COL27A1: variants seen among roughly 807,000 people sequenced by gnomAD.
COL27A1 encodes collagen alpha-1(XXVII) chain.
A neutral mutation model predicts 251.3 loss-of-function variants in COL27A1; 106 were observed. The ratio of observed to expected loss-of-function variants is 0.42; its 90% confidence interval spans 0.36 to 0.50. COL27A1 has a LOEUF of 0.50. Ranked by LOEUF, COL27A1 falls within the 20% of genes least tolerant of loss-of-function variation. The probability of loss-of-function intolerance (pLI) is 0.00; values close to 1 mark genes in which losing one functional copy is unlikely to be tolerated. For synonymous variants in COL27A1, 1,000 were observed against 986.3 expected (o/e 1.01, Z -0.26); for missense variants, 2,325 against 2,522.8 (o/e 0.92, Z 1.68).
chr9:114,221,926 G>A (rs143255944), intron 13 of COL27A1, among the ~76,000 whole-genome samples: 280 of 152,372 alleles, frequency 1.8e-3, no homozygotes, highest in African/African-American at 6.3e-3. Context: ...CACCATGCAC[G>A]TCTGTATGAC....
At chr9:114,252,512 G>C in intron 25 of COL27A1, 81 bp from the exon 26 acceptor site, 1 of 1,193,814 alleles carries the variant, frequency 8.4e-7, no homozygotes, top group Non-Finnish European at 1.3e-6. Context: ...TGAGCCTCTG[G>C]ATGGCCCTCT....
chr9:114,308,376 G>T (rs12001006), intron 59 of COL27A1, among the ~76,000 whole-genome samples: 9,534 of 152,310 alleles, frequency 0.063, 435 homozygotes, highest in East Asian at 0.24. Context: ...TGCTCCGACT[G>T]CGGGGGAAAG....
At chr9:114,216,600 G>T (rs1470693921) in intron 12 of COL27A1, among the ~76,000 whole-genome samples, 1 of 152,208 alleles carries the variant, frequency 6.6e-6, no homozygotes, top group Admixed American at 6.5e-5. Flanking sequence ...GTGTAATGAG[G>T]TGGTGAACAT....
intron 7 of COL27A1, among the ~76,000 whole-genome samples, chr9:114,204,678 T>C (rs912039076): frequency 6.6e-6 from 1 of 152,164 alleles, no homozygotes; most frequent in African/African-American, 2.4e-5. Flanking sequence ...GCATCCCGTG[T>C]GACGTGGTGG....
At chr9:114,291,936 A>G (rs964162295) in intron 48 of COL27A1, among the ~76,000 whole-genome samples, 167 bp from the exon 49 acceptor site, 1 of 151,860 alleles carries the variant, frequency 6.6e-6, no homozygotes, top group South Asian at 2.1e-4. Context: ...GGGAGGTGAA[A>G]GTCTTGTCAC....
intron 12 of COL27A1, among the ~76,000 whole-genome samples, chr9:114,214,944 G>T (rs142734661): frequency 6.6e-6 from 1 of 152,228 alleles, no homozygotes; most frequent in Non-Finnish European, 1.5e-5. Context: ...GGGTCTCTAC[G>T]AGCAGGCTAG....
At chr9:114,232,150 G>C (rs997490099) in intron 16 of COL27A1, among the ~76,000 whole-genome samples, 1 of 152,216 alleles carries the variant, frequency 6.6e-6, no homozygotes, top group Admixed American at 6.5e-5. Flanking sequence ...CCAGAGAGCA[G>C]AGCTGAGGCC....
rs199557870 is a variant in COL27A1, at chr9:114,169,209, C to A, written c.1654C>A (p.Arg552=). The change falls in exon 3 of 61, where the codon CGG becomes AGG. Residue 552 remains arginine, a synonymous_variant. Coordinates refer to ENST00000356083, the MANE Select transcript of COL27A1 (RefSeq NM_032888.4). ...GAAAGCCGGACCCAAGAGCAGCCCC[C>A]GGAAGCCTGTCCCCCTCAGACCTGG... The part of the protein sequence containing the change: ...SKKAGPKSSP[R]KPVPLRPGKA... The A allele has an allele frequency of 2.4e-4, 392 of 1,614,108 alleles. 1 individual carries two copies. The East Asian group carries it at 4.9e-3, about 20-fold the overall frequency.
rs184238393 is a variant in COL27A1, at chr9:114,307,564, C to T, written c.5108-105C>T. 5,279 of 791,214 alleles carry T rather than the reference C, an allele frequency of 6.7e-3. 31 individuals are homozygous for T. Among genetic ancestry groups the T allele is most frequent in the South Asian group, 0.011 (728 of 67,644 alleles). The allele number at this position is 791,214 out of a possible 1,614,324, so 49.0% of individuals were successfully genotyped here. Reference sequence around the variant, plus strand: ...TGCTCACCCACCCTGACTTCATGCTCACCTGGGGCTCGGCAGGTCACAAGA... The same window carrying T: ...TGCTCACCCACCCTGACTTCATGCTTACCTGGGGCTCGGCAGGTCACAAGA... On this transcript the variant is annotated intron_variant, in intron 58 of 60. Coordinates refer to ENST00000356083, the MANE Select transcript of COL27A1 (RefSeq NM_032888.4).
intron 21 of COL27A1, 30 bp downstream of exon 21, chr9:114,240,517 A>G (rs1564511816): frequency 6.3e-7 from 1 of 1,596,550 alleles, no homozygotes; most frequent in Admixed American, 1.7e-5. Flanking sequence ...TCCACTGCCC[A>G]TCCTGGCCTG....
chr9:114,187,328 G>A (rs1435324528), intron 5 of COL27A1, among the ~76,000 whole-genome samples: 1 of 152,252 alleles, frequency 6.6e-6, no homozygotes, highest in Non-Finnish European at 1.5e-5. Context: ...ATATGGAGAA[G>A]TCCAGAAGAT....
At chr9:114,275,164 T>G (rs767202193) in intron 36 of COL27A1, among the ~76,000 whole-genome samples, 1 of 151,984 alleles carries the variant, frequency 6.6e-6, no homozygotes, top group Non-Finnish European at 1.5e-5. Flanking sequence ...CTTGGGAGGC[T>G]GAGGCAGGAG....
intron 43 of COL27A1, 50 bp downstream of exon 43, chr9:114,288,805 A>G: frequency 6.2e-7 from 1 of 1,601,466 alleles, no homozygotes; most frequent in Non-Finnish European, 8.5e-7. Context: ...TGTCAGGGAG[A>G]GGGGGGATGA....
chr9:114,296,362 A>T (rs1828255568), intron 49 of COL27A1, among the ~76,000 whole-genome samples: 1 of 152,248 alleles, frequency 6.6e-6, no homozygotes, highest in Non-Finnish European at 1.5e-5. Flanking sequence ...CAATAATAAA[A>T]ATAAGCAGCC....
chr9:114,235,995 C>T (rs968963331), intron 17 of COL27A1, among the ~76,000 whole-genome samples: 3 of 152,098 alleles, frequency 2.0e-5, no homozygotes, highest in Non-Finnish European at 4.4e-5. Context: ...CCTAACCAGA[C>T]ATCAGGACCC....
rs10817583 is a variant in COL27A1 at position 114,288,991 on chromosome 9, C to A, written c.4152+24C>A. ...CCGTGAGTGGTGCTTCGTGTCCCAT[C>A]CCTGCCTCCCACCCTGAGTGGGGCG... On this transcript the variant is annotated intron_variant, in intron 44 of 60. Coordinates refer to ENST00000356083, the MANE Select transcript of COL27A1 (RefSeq NM_032888.4). The A allele has an allele frequency of 0.14, 218,165 of 1,612,080 alleles. 15,851 individuals are homozygous for A. Among genetic ancestry groups the A allele is most frequent in the East Asian group, 0.28 (12,446 of 44,826 alleles).
At position 114,311,112 on chromosome 9, in the gene COL27A1, A is replaced by G. The variant is rs539516904; in HGVS notation, c.*417A>G. The stretch of plus-strand genomic sequence containing the variant: ...GTGCAATATTAGAAAGGAGACATGA[A>G]AAAAGGAGAAAAGGAAAGACAGAAG... On this transcript the variant is annotated 3_prime_UTR_variant, in exon 61 of 61. Coordinates refer to ENST00000356083, the MANE Select transcript of COL27A1 (RefSeq NM_032888.4). The G allele has an allele frequency of 3.4e-4, 55 of 163,684 alleles. No homozygotes were observed. Among genetic ancestry groups the G allele is most frequent in the Non-Finnish European group, 6.3e-4 (47 of 74,902 alleles). The allele number at this position is 163,684 out of a possible 1,614,324, so 10.1% of individuals were successfully genotyped here.
intron 39 of COL27A1, among the ~76,000 whole-genome samples, chr9:114,283,272 C>G (rs1836045315): frequency 2.0e-5 from 3 of 152,184 alleles, no homozygotes; most frequent in Admixed American, 1.3e-4. Context: ...AGTATTTCCA[C>G]CAACACGCAC....
At chr9:114,237,803 C>A in intron 19 of COL27A1, 88 bp downstream of exon 19, 2 of 1,087,968 alleles carry the variant, frequency 1.8e-6, no homozygotes, top group Non-Finnish European at 2.8e-6. Context: ...TGGGGAAAGA[C>A]TTGCTTTAGG....
Sources: gnomAD v4.1 joint callset for allele counts (sites outside exome capture counted in the v4.1 genomes callset) on GRCh38, gnomAD v4.1.1 for gene constraint, MANE v1.5 for transcripts, NCBI Gene and HGNC (gene_info 2026-07-23, HGNC 2026-07-21) for gene names.